ATF7: variants seen among roughly 807,000 people sequenced by gnomAD.
The protein encoded by ATF7 is cyclic AMP-dependent transcription factor ATF-7.
A neutral mutation model predicts 50.4 loss-of-function variants in ATF7; 10 were observed. The observed-to-expected ratio is 0.20, with a 90% CI of 0.12 to 0.34. The LOEUF (loss-of-function observed/expected upper bound fraction) is 0.34. Ranked by LOEUF, ATF7 falls within the 10% of genes least tolerant of loss-of-function variation. The pLI is 1.00. For missense variants in ATF7, 465 were observed against 613.9 expected, an observed-to-expected ratio of 0.76 and a Z score of 2.56; for synonymous variants, 201 against 226.4, an observed-to-expected ratio of 0.89 and a Z score of 1.01.
At chr12:53,590,678 T>A (rs1942900937) in intron 2 of ATF7, among the ~76,000 whole-genome samples, 1 of 152,226 alleles carries the variant, frequency 6.6e-6, no homozygotes, top group Non-Finnish European at 1.5e-5. Context: ...GATAAATGCT[T>A]GGAGTTTTAG....
chr12:53,622,080 C>T (rs750233705), intron 1 of ATF7, among the ~76,000 whole-genome samples: 1 of 151,986 alleles, frequency 6.6e-6, no homozygotes, highest in Non-Finnish European at 1.5e-5. Context: ...GTAGGCGGAT[C>T]ACTTGAGGTC....
At chr12:53,517,662 TA>T (rs1360384174) in intron 11 of ATF7, 56 of 364,560 alleles carry the variant, frequency 1.5e-4, no homozygotes, top group Middle Eastern at 8.5e-4. Flanking sequence ...CTCTTATTAT[TA>T]TTCATTACTT....
intron 9 of ATF7, among the ~76,000 whole-genome samples, chr12:53,529,617 C>T (rs1938721476): frequency 6.7e-6 from 1 of 150,184 alleles, no homozygotes; most frequent in Non-Finnish European, 1.5e-5. Flanking sequence ...AGCTACCGCA[C>T]CCGGCCCTCT....
intron 4 of ATF7, 89 bp from the exon 5 acceptor site, chr12:53,537,641 T>A: frequency 1.4e-6 from 2 of 1,470,524 alleles, no homozygotes; most frequent in Admixed American, 4.2e-5. Flanking sequence ...TAAGGGAATA[T>A]GCTTCTAAGA....
chr12:53,626,086 C>T (rs1418738255), intron 1 of ATF7, 193 bp downstream of exon 1: 2 of 152,352 alleles, frequency 1.3e-5, no homozygotes, highest in Non-Finnish European at 2.9e-5. Flanking sequence ...CCAATCGAGG[C>T]TTCCTTCTCT....
At chr12:53,517,850 A>G (rs1231279075) in intron 11 of ATF7, among the ~76,000 whole-genome samples, 2 of 152,112 alleles carry the variant, frequency 1.3e-5, no homozygotes, top group African/African-American at 4.8e-5. Context: ...GAACTGAATT[A>G]TTCCATTATT....
intron 2 of ATF7, among the ~76,000 whole-genome samples, chr12:53,555,514 T>TC (rs1940682332): frequency 9.1e-6 from 1 of 109,556 alleles, no homozygotes; most frequent in African/African-American, 3.3e-5. Context: ...TTTTTTTTTT[T>TC]TTTTGTGAGA....
chr12:53,612,385 C>G (rs142011314), intron 1 of ATF7, among the ~76,000 whole-genome samples: 3,845 of 152,256 alleles, frequency 0.025, 175 homozygotes, highest in African/African-American at 0.087. Flanking sequence ...CTCCCGGGTT[C>G]AAGCGATTCT....
intron 4 of ATF7, among the ~76,000 whole-genome samples, chr12:53,539,976 G>A (rs562872115): frequency 4.6e-5 from 7 of 151,908 alleles, no homozygotes; most frequent in South Asian, 2.1e-4. Flanking sequence ...GGACTGAGGC[G>A]GGAGGATCAC....
intron 2 of ATF7, among the ~76,000 whole-genome samples, chr12:53,594,868 A>G (rs552721386): frequency 3.9e-4 from 59 of 151,032 alleles, no homozygotes; most frequent in African/African-American, 1.4e-3. Context: ...AGCTTGGGTG[A>G]CAGAGCGAGA....
At chr12:53,558,360 T>C (rs996556136) in intron 2 of ATF7, among the ~76,000 whole-genome samples, 1 of 152,128 alleles carries the variant, frequency 6.6e-6, no homozygotes, top group African/African-American at 2.4e-5. Flanking sequence ...TTGTGTTTGT[T>C]GAGAAACCCT....
chr12:53,531,714 GAT>G (rs1216823735), intron 9 of ATF7, 28 bp downstream of exon 9: 1 of 1,588,280 alleles, frequency 6.3e-7, no homozygotes, highest in Admixed American at 1.8e-5. Context: ...ACGTCATAAA[GAT>G]ATGACATAAA....
chr12:53,587,843 A>ATATATATATATATATATATTTTTTTTTT, intron 2 of ATF7, among the ~76,000 whole-genome samples: 1 of 61,566 alleles, frequency 1.6e-5, no homozygotes, highest in African/African-American at 5.1e-5. Flanking sequence ...ATATATATAT[A>ATATATATATATATATATATTTTTTTTTT]TTTTTTTTTT....
chr12:53,568,768 T>C (rs1450959879), intron 2 of ATF7, among the ~76,000 whole-genome samples: 2 of 152,194 alleles, frequency 1.3e-5, no homozygotes, highest in Non-Finnish European at 2.9e-5. Context: ...AACTTCAATT[T>C]TGGATGTTTA....
intron 2 of ATF7, among the ~76,000 whole-genome samples, chr12:53,595,717 A>G (rs1027547623): frequency 3.3e-5 from 5 of 152,224 alleles, no homozygotes; most frequent in African/African-American, 1.2e-4. Flanking sequence ...TATTCCTATT[A>G]TATGACAAGA....
intron 9 of ATF7, among the ~76,000 whole-genome samples, chr12:53,529,734 CAT>C (rs71444809): frequency 7.0e-4 from 100 of 143,536 alleles, no homozygotes; most frequent in South Asian, 1.5e-3. Context: ...CACACACACA[CAT>C]ATATATATGT....
At chr12:53,569,704 T>G (rs918816247) in intron 2 of ATF7, among the ~76,000 whole-genome samples, 2 of 151,814 alleles carry the variant, frequency 1.3e-5, no homozygotes. Context: ...AGATGGAGTC[T>G]CGCTCTGTCG....
chr12:53,541,982 T>C (rs1456671973), intron 4 of ATF7, among the ~76,000 whole-genome samples: 5 of 152,100 alleles, frequency 3.3e-5, no homozygotes, highest in African/African-American at 7.2e-5. Flanking sequence ...CCGCCACGCC[T>C]GGCTAAGTTT....
chr12:53,620,166 C>T lies in ATF7; in HGVS notation c.-22+6113G>A, dbSNP rs1944316647. On this transcript the variant is annotated intron_variant, in intron 1 of 11. Transcript: ENST00000420353. ...CTCAAAAAAAAACCATGGCCGAGCA[C>T]GGTGGCTCACGCCTGTAATCCTAGC... 2.0e-5 allele frequency among the ~76,000 whole-genome samples: 3 copies of T among 152,034 alleles called. No homozygotes were observed. In the South Asian group the frequency reaches 6.2e-4, roughly 32 times the overall value.
Sources: allele counts gnomAD v4.1 joint callset (sites outside exome capture counted in the v4.1 genomes callset), GRCh38; gene constraint gnomAD v4.1.1; transcripts MANE v1.5; gene names NCBI Gene and HGNC (gene_info 2026-07-23, HGNC 2026-07-21).